NDUFS1: variants seen among roughly 807,000 people sequenced by gnomAD.
NDUFS1 encodes the protein NADH-ubiquinone oxidoreductase 75 kDa subunit, mitochondrial.
In NDUFS1, 61 loss-of-function variants were observed where a neutral mutation model predicts 84.4. The ratio of observed to expected loss-of-function variants is 0.72; its 90% CI spans 0.59 to 0.89. The LOEUF is 0.89. Among genes scored for constraint, NDUFS1 ranks in the 40% least tolerant of loss-of-function variants. NDUFS1 has a pLI of 0.00. For missense variants in NDUFS1, 891 were observed against 890.0 expected (o/e 1.00, Z -0.01); for synonymous variants, 275 against 290.0 (o/e 0.95, Z 0.53).
chr2:206,127,661 G>T, intron 16 of NDUFS1, 136 bp downstream of exon 16: 2 of 959,238 alleles, frequency 2.1e-6, no homozygotes, highest in Non-Finnish European at 1.6e-6. Context: ...CTGAATACAT[G>T]TTTTCTATAG....
intron 5 of NDUFS1, among the ~76,000 whole-genome samples, chr2:206,148,536 G>C (rs1036370082): frequency 6.6e-6 from 1 of 152,018 alleles, no homozygotes. Flanking sequence ...TGTAATCCCA[G>C]AACTATGGGA....
In NDUFS1 at chr2:206,116,284, T is replaced by C; in HGVS notation, c.*7901A>G. The C allele has an allele frequency of 1.1e-6, 1 of 948,160 alleles. No homozygotes were observed. 58.7% of individuals were successfully genotyped at this position (948,160 alleles called of 1,614,324 possible). On this transcript the variant is annotated 3_prime_UTR_variant, in exon 19 of 19. Transcript: ENST00000233190. ...CATTAATTTCGGTTACTTCTCCTGA[T>C]AAAGGAGAATAGAGTTCACTAGCAG... is the stretch of plus-strand genomic sequence containing the variant.
intron 13 of NDUFS1, 30 bp from the exon 14 acceptor site, chr2:206,133,135 T>A (rs1484504397): frequency 1.3e-6 from 2 of 1,548,532 alleles, no homozygotes; most frequent in South Asian, 2.4e-5. Context: ...ACTTTGATTT[T>A]AAAATATTAC....
At chr2:206,151,185 A>G (rs1468564370) in intron 3 of NDUFS1, among the ~76,000 whole-genome samples, 4 of 152,208 alleles carry the variant, frequency 2.6e-5, no homozygotes, top group Non-Finnish European at 5.9e-5. Context: ...AATAGGCAAC[A>G]AAACTCCTGA....
chr2:206,123,933 G>T lies in NDUFS1; in HGVS notation c.*252C>A. ...ATAATTTAAGGATCTCTTTATGTTC[G>T]TCACAAAGGTTATCAATGCTTTTAA... is the stretch of plus-strand genomic sequence containing the variant. On this transcript the variant is annotated 3_prime_UTR_variant, in exon 19 of 19. Coordinates refer to ENST00000233190, the MANE Select transcript of NDUFS1 (RefSeq NM_005006.7). The T allele has an allele frequency of 2.6e-6, 1 of 382,608 alleles. No individual in the cohort carries two copies. Among genetic ancestry groups the T allele is most frequent in the East Asian group, 4.2e-5 (1 of 23,780 alleles). The allele number at this position is 382,608 out of a possible 1,614,324, so 23.7% of individuals were successfully genotyped here. A position where few individuals can be genotyped will look rare whatever the true frequency, so the allele number is the denominator to read the frequency against.
intron 13 of NDUFS1, among the ~76,000 whole-genome samples, chr2:206,135,190 G>T (rs1045610496): frequency 9.9e-5 from 15 of 151,680 alleles, no homozygotes; most frequent in African/African-American, 3.4e-4. Flanking sequence ...AGCAAATTGG[G>T]GTTTTTTTGT....
At chr2:206,126,492 ACTT>A (rs1405913094) in intron 18 of NDUFS1, 44 bp downstream of exon 18, 1 of 1,529,964 alleles carries the variant, frequency 6.5e-7, no homozygotes, top group East Asian at 2.3e-5. Context: ...TGATCTGATT[ACTT>A]CTTACCTTTC....
At chr2:206,148,131 G>C (rs751776242) in intron 5 of NDUFS1, among the ~76,000 whole-genome samples, 2 of 152,064 alleles carry the variant, frequency 1.3e-5, no homozygotes, top group Non-Finnish European at 2.9e-5. Context: ...CATCATGTTG[G>C]TCAGGCTGGT....
chr2:206,132,219 G>A (rs529457334), intron 14 of NDUFS1, among the ~76,000 whole-genome samples: 1 of 152,228 alleles, frequency 6.6e-6, no homozygotes, highest in East Asian at 1.9e-4. Flanking sequence ...TGTAGAATAA[G>A]GATCAGTTCC....
chr2:206,157,400 T>C (rs1166305175), intron 1 of NDUFS1, among the ~76,000 whole-genome samples: 1 of 152,164 alleles, frequency 6.6e-6, no homozygotes, highest in East Asian at 1.9e-4. Flanking sequence ...GGACAAGGAA[T>C]TTGGACATTT....
At chr2:206,128,212 C>T (rs1264729066) in intron 15 of NDUFS1, among the ~76,000 whole-genome samples, 1 of 152,034 alleles carries the variant, frequency 6.6e-6, no homozygotes, top group Non-Finnish European at 1.5e-5. Flanking sequence ...GTCGCCCAGG[C>T]TGGAGTGCAG....
chr2:206,149,676 T>C, intron 4 of NDUFS1, 142 bp downstream of exon 4: 1 of 676,138 alleles, frequency 1.5e-6, no homozygotes, highest in East Asian at 2.7e-5. Flanking sequence ...AGAGAATCAA[T>C]TGTACAAAAG....
intron 16 of NDUFS1, among the ~76,000 whole-genome samples, chr2:206,127,140 G>A (rs571016691): frequency 1.3e-5 from 2 of 152,206 alleles, no homozygotes; most frequent in Non-Finnish European, 2.9e-5. Flanking sequence ...TTTACAATGT[G>A]TTATTATTTT....
In NDUFS1 at chr2:206,142,723, A is replaced by T; in HGVS notation, c.1096T>A (p.Leu366Ile). Residue 366 changes from leucine to isoleucine, a missense_variant, in exon 11 of 19, where the codon TTA becomes ATA. Physicochemically the swap from Leu to Ile is conservative, Grantham distance 5. Coordinates refer to ENST00000233190, the MANE Select transcript of NDUFS1 (RefSeq NM_005006.7). Reference protein sequence around the residue: ...DLLNRVDSDTLCTEEVFPTAG... With the variant: ...DLLNRVDSDTICTEEVFPTAG... The stretch of plus-strand genomic sequence containing the variant: ...GTGGGGAAGACCTCTTCAGTGCATA[A>T]GGTGTCAGAGTCCACTCTATTAAGC... 4 of 1,614,180 alleles carry T rather than the reference A, an allele frequency of 2.5e-6. No individual in the cohort carries two copies. Among genetic ancestry groups the T allele is most frequent in the Non-Finnish European group, 3.4e-6 (4 of 1,180,020 alleles).
chr2:206,139,871 T>TAAAAAAAAAAA (rs35564839), intron 12 of NDUFS1, among the ~76,000 whole-genome samples: 1 of 103,562 alleles, frequency 9.7e-6, no homozygotes, highest in Non-Finnish European at 1.9e-5. Context: ...CTTGTGTTCT[T>TAAAAAAAAAAA]AAAAAAAAAA....
Position 206,142,720 on chromosome 2 carries a change from A to T in NDUFS1, c.1099T>A (p.Cys367Ser). 2.5e-6 allele frequency: 4 copies of T among 1,614,248 alleles called. No individual in the cohort carries two copies. Among genetic ancestry groups the T allele is most frequent in the Non-Finnish European group, 3.4e-6 (4 of 1,180,040 alleles). Residue 367 changes from cysteine (C) to serine (S), a missense_variant, in exon 11 of 19, where the codon TGC becomes AGC. By Grantham distance (112) the Cys-to-Ser change is moderately radical. Coordinates refer to ENST00000233190, the MANE Select transcript of NDUFS1 (RefSeq NM_005006.7). ...GCAGTGGGGAAGACCTCTTCAGTGC[A>T]TAAGGTGTCAGAGTCCACTCTATTA... Reference protein sequence around the residue: ...LLNRVDSDTLCTEEVFPTAGA... With the variant: ...LLNRVDSDTLSTEEVFPTAGA...
chr2:206,147,541 G>A lies in NDUFS1; in HGVS notation c.541C>T (p.Arg181Cys), dbSNP rs572955128. ...AGGAAAAAAAGTTACCTGATGCAGC[G>A]AGTACACTGTATACATCTTGTCATG... ...TIMTRCIQCTRCIRFASEIAG... is the reference protein window; with the variant it reads ...TIMTRCIQCTCCIRFASEIAG... Residue 181 changes from arginine (R) to cysteine (C), a missense_variant, in exon 7 of 19, where the codon CGC becomes TGC. Arg to Cys is a radical substitution (Grantham distance 180). Coordinates refer to ENST00000233190, the MANE Select transcript of NDUFS1 (RefSeq NM_005006.7). 6.2e-6 allele frequency: 10 copies of A among 1,613,978 alleles called. No homozygotes were observed. Among genetic ancestry groups the A allele is most frequent in the South Asian group, 3.3e-5 (3 of 91,060 alleles).
chr2:206,125,388 G>A (rs1691250624), intron 18 of NDUFS1, among the ~76,000 whole-genome samples: 1 of 151,994 alleles, frequency 6.6e-6, no homozygotes, highest in South Asian at 2.1e-4. Flanking sequence ...CTTCAGCTCA[G>A]GAGGCAGAGG....
Position 206,142,667 on chromosome 2 carries a change from C to T in NDUFS1, c.1133+19G>A, listed in dbSNP as rs1692007915. The T allele has an allele frequency of 2.5e-6, 4 of 1,614,046 alleles. No homozygotes were observed. The highest frequency in any genetic ancestry group is 3.4e-6 in the Non-Finnish European group (4 of 1,179,978). ...AAAAAAAGAAAGGAAAGCCTAGATC[C>T]TAGCTTCATATTTCTCACCCAGCTC... On this transcript the variant is annotated intron_variant, in intron 11 of 18. Transcript: ENST00000233190.
Sources: gnomAD v4.1 joint callset for allele counts (sites outside exome capture counted in the v4.1 genomes callset) on GRCh38, gnomAD v4.1.1 for gene constraint, MANE v1.5 for transcripts, NCBI Gene and HGNC (gene_info 2026-07-23, HGNC 2026-07-21) for gene names.